Variants in GNA15 observed in about 807,000 individuals in gnomAD.
GNA15 encodes guanine nucleotide-binding protein subunit alpha-15.
GNA15 carries 23 observed loss-of-function variants against 40.1 expected under a neutral mutation model. The ratio of observed to expected loss-of-function variants is 0.57; its 90% CI spans 0.41 to 0.81. The LOEUF (loss-of-function observed/expected upper bound fraction) is 0.81, where lower values mean the gene tolerates loss of function less well. GNA15 is among the 40% of genes least tolerant of loss of function. The pLI is 0.00. For missense variants in GNA15, 522 were observed against 515.8 expected (o/e 1.01, Z -0.12); for synonymous variants, 226 against 210.4 (o/e 1.07, Z -0.64).
Position 3,162,860 on chromosome 19 carries a change from G to T in GNA15, c.966G>T (p.Gly322=). 6.2e-7 allele frequency: 1 copy of T among 1,614,118 alleles called. No individual in the cohort carries two copies. Among genetic ancestry groups the T allele is most frequent in the Non-Finnish European group, 8.5e-7 (1 of 1,180,000 alleles). The change falls in exon 7 of 7, where the codon GGG becomes GGT. Residue 322 remains glycine, a synonymous_variant. Coordinates refer to ENST00000262958, the MANE Select transcript of GNA15 (RefSeq NM_002068.4). ...ILDMYTRMYT[G]CVDGPEGSKK... The stretch of plus-strand genomic sequence containing the variant: ...ACATGTACACGAGGATGTACACCGG[G>T]TGCGTGGACGGCCCCGAGGGCAGCA...
chr19:3,162,992 C>G lies in GNA15; in HGVS notation c.1098C>G (p.Arg366=). ...FKDVRDSVLA[R]YLDEINLL ...ACGTGCGGGACTCGGTGCTCGCCCGCTACCTGGACGAGATCAACCTGCTGT... is the reference window on the plus strand; with the variant it reads ...ACGTGCGGGACTCGGTGCTCGCCCGGTACCTGGACGAGATCAACCTGCTGT... The change falls in exon 7 of 7, where the codon CGC becomes CGG. Residue 366 remains arginine, a synonymous_variant. Transcript: ENST00000262958. The G allele has an allele frequency of 6.2e-7, 1 of 1,613,370 alleles. No homozygotes were observed. The highest frequency in any genetic ancestry group is 8.5e-7 in the Non-Finnish European group (1 of 1,179,436).
chr19:3,150,257 G>GA lies in GNA15; in HGVS notation c.459dup (p.Phe154IlefsTer64). 6.2e-7 allele frequency: 1 copy of GA among 1,604,456 alleles called. No homozygotes were observed. The highest frequency in any genetic ancestry group is 8.5e-7 in the Non-Finnish European group (1 of 1,175,556). On this transcript the variant is annotated frameshift_variant, in exon 3 of 7. Coordinates refer to ENST00000262958, the MANE Select transcript of GNA15 (RefSeq NM_002068.4). LOFTEE classifies it high-confidence loss of function. ...CCGGGCCTGCTATGAGCGTCGGCGG[G>GA]AATTCCACCTGCTCGATTCAGCCGT...
chr19:3,148,944 T>C (rs916504179), intron 2 of GNA15, 169 bp downstream of exon 2: 12 of 621,472 alleles, frequency 1.9e-5, no homozygotes, highest in Non-Finnish European at 3.3e-5. Flanking sequence ...CCTCCAGACA[T>C]ATGTGCATAC....
intron 2 of GNA15, chr19:3,149,302 AAC>A (rs758095370): frequency 1.9e-5 from 3 of 159,678 alleles, no homozygotes; most frequent in South Asian, 1.6e-4. Flanking sequence ...CACATACACA[AAC>A]ACACACAAGC....
In GNA15 at chr19:3,142,646, T is replaced by C. The variant is rs1599319822; in HGVS notation, c.146-5945T>C. 2.0e-5 allele frequency among the ~76,000 whole-genome samples: 3 copies of C among 151,190 alleles called. No homozygotes were observed. The South Asian group carries it at 6.3e-4, about 32-fold the overall frequency. On this transcript the variant is annotated intron_variant, in intron 1 of 6. Transcript: ENST00000262958. The stretch of plus-strand genomic sequence containing the variant: ...AGCACTTTGGGAGGCTGAGGAGGGG[T>C]GGATCACTTGAGGCCAGGAGTTCAA...
At chr19:3,148,858 C>A in intron 2 of GNA15, 83 bp downstream of exon 2, 5 of 1,388,332 alleles carry the variant, frequency 3.6e-6, no homozygotes, top group African/African-American at 1.4e-5. Context: ...GGGCCAAGTT[C>A]CCCAGACTTC....
intron 1 of GNA15, among the ~76,000 whole-genome samples, chr19:3,147,011 A>T (rs1914738670): frequency 1.3e-5 from 2 of 151,526 alleles, no homozygotes; most frequent in South Asian, 4.2e-4. Context: ...ACAAGCTGTT[A>T]CTGTCACCTG....
chr19:3,141,357 A>G (rs1404986799), intron 1 of GNA15, among the ~76,000 whole-genome samples: 1 of 152,174 alleles, frequency 6.6e-6, no homozygotes, highest in African/African-American at 2.4e-5. Context: ...TAAAGCTGTG[A>G]AAGGGACCAG....
At chr19:3,146,000 A>G (rs1914713297) in intron 1 of GNA15, among the ~76,000 whole-genome samples, 1 of 152,122 alleles carries the variant, frequency 6.6e-6, no homozygotes, top group Non-Finnish European at 1.5e-5. Flanking sequence ...CGTTGGAGAC[A>G]GCCCTTTGGG....
At chr19:3,157,609 G>A (rs757227361) in intron 5 of GNA15, 119 bp from the exon 6 acceptor site, 17 of 816,514 alleles carry the variant, frequency 2.1e-5, no homozygotes, top group Non-Finnish European at 3.2e-5. Flanking sequence ...CTCAGCCCCA[G>A]CCAGGCAGAT....
chr19:3,157,658 T>C, intron 5 of GNA15, 70 bp from the exon 6 acceptor site: 1 of 1,418,764 alleles, frequency 7.0e-7, no homozygotes, highest in Non-Finnish European at 9.9e-7. Context: ...CAGCCCCGTC[T>C]CCGCGATGGG....
chr19:3,153,838 G>A (rs1019543366), intron 4 of GNA15, among the ~76,000 whole-genome samples: 2 of 150,132 alleles, frequency 1.3e-5, no homozygotes, highest in Non-Finnish European at 3.0e-5. Context: ...GAATGGGTGA[G>A]TGAAGGATGG....
In GNA15 at chr19:3,136,316, C is replaced by A. The variant is rs1914457164; in HGVS notation, c.-135C>A. 1 of 844,822 alleles carries A rather than the reference C, an allele frequency of 1.2e-6. No homozygotes were observed. Among genetic ancestry groups the A allele is most frequent in the Non-Finnish European group, 1.8e-6 (1 of 561,680 alleles). 52.3% of individuals were successfully genotyped at this position (844,822 alleles called of 1,614,324 possible). A position where few individuals can be genotyped will look rare whatever the true frequency, so the allele number is the denominator to read the frequency against. ...GGAAGTCTAGGTCCCTGGGGGGTGA[C>A]CCCCAAGGAAAAGGCAGCCTCCCTG... On this transcript the variant is annotated 5_prime_UTR_variant, in exon 1 of 7. Coordinates refer to ENST00000262958, the MANE Select transcript of GNA15 (RefSeq NM_002068.4). The surrounding 1 kb of genome is among the most constrained non-coding windows in gnomAD (Gnocchi z 4.9).
At chr19:3,161,907 C>T (rs144685781) in intron 6 of GNA15, among the ~76,000 whole-genome samples, 5,436 of 151,144 alleles carry the variant, frequency 0.036, 133 homozygotes, top group Non-Finnish European at 0.05. Flanking sequence ...GTGGCGGGGG[C>T]CTGTCATCCC....
intron 1 of GNA15, among the ~76,000 whole-genome samples, chr19:3,140,946 G>T (rs1434235276): frequency 2.0e-5 from 3 of 152,226 alleles, no homozygotes; most frequent in Non-Finnish European, 4.4e-5. Context: ...TAGCACTGTG[G>T]ACTGTGGTTT....
At position 3,151,213 on chromosome 19, in the gene GNA15, C is replaced by A. The variant is rs1914874329; in HGVS notation, c.486-494C>A. Among the ~76,000 whole-genome samples, 1 of 151,540 alleles carries A rather than the reference C, an allele frequency of 6.6e-6. No individual in the cohort carries two copies. The highest frequency in any genetic ancestry group is 1.5e-5 in the Non-Finnish European group (1 of 67,778). ...TGAGGGGACCCTATTCTGGGGGGACCCTGTTCCTGGAGTGACCCTGTTCCT... is the reference window on the plus strand; with the variant it reads ...TGAGGGGACCCTATTCTGGGGGGACACTGTTCCTGGAGTGACCCTGTTCCT... On this transcript the variant is annotated intron_variant, in intron 3 of 6. Coordinates refer to ENST00000262958, the MANE Select transcript of GNA15 (RefSeq NM_002068.4). The surrounding 1 kb of genome is among the most constrained non-coding windows in gnomAD (Gnocchi z 5.0).
At position 3,151,657 on chromosome 19, in the gene GNA15, C is replaced by A; in HGVS notation, c.486-50C>A. 1 of 1,509,454 alleles carries A rather than the reference C, an allele frequency of 6.6e-7. No homozygotes were observed. The highest frequency in any genetic ancestry group is 8.9e-7 in the Non-Finnish European group (1 of 1,126,916). The allele number at this position is 1,509,454 out of a possible 1,614,324, so 93.5% of individuals were successfully genotyped here. A position where few individuals can be genotyped will look rare whatever the true frequency, so the allele number is the denominator to read the frequency against. The stretch of plus-strand genomic sequence containing the variant: ...TGGGCCTTTCGTAGGGCCTGGGAAG[C>A]AAAGGGAGGCTGGCTGCAAGGCTGG... On this transcript the variant is annotated intron_variant, in intron 3 of 6. Transcript: ENST00000262958. This position sits in a 1 kb window ranked among gnomAD's most constrained non-coding sequence, Gnocchi z 5.0.
Position 3,155,337 on chromosome 19 carries a change from C to A in GNA15, c.615-486C>A, listed in dbSNP as rs1268305918. ...CAGGGTTCAGGCTTTTGTTACGGTG[C>A]GTGGGGCTGAGTCACAGATGGAGGG... On this transcript the variant is annotated intron_variant, in intron 4 of 6. Coordinates refer to ENST00000262958, the MANE Select transcript of GNA15 (RefSeq NM_002068.4). This position sits in a 1 kb window ranked among gnomAD's most constrained non-coding sequence, Gnocchi z 5.6. Among the ~76,000 whole-genome samples, 1 of 152,046 alleles carries A rather than the reference C, an allele frequency of 6.6e-6. No individual in the cohort carries two copies. The highest frequency in any genetic ancestry group is 1.5e-5 in the Non-Finnish European group (1 of 68,004).
chr19:3,143,550 G>T (rs1914626211), intron 1 of GNA15, among the ~76,000 whole-genome samples: 1 of 152,150 alleles, frequency 6.6e-6, no homozygotes, highest in Admixed American at 6.5e-5. Flanking sequence ...TAGTCTGGAG[G>T]TTGAGGCAGG....
Sources: allele counts gnomAD v4.1 joint callset (sites outside exome capture counted in the v4.1 genomes callset), GRCh38; gene constraint gnomAD v4.1.1; non-coding constraint Gnocchi (gnomAD v3.1); transcripts MANE v1.5; gene names NCBI Gene and HGNC (gene_info 2026-07-23, HGNC 2026-07-21).